GALNT13: variants seen among roughly 807,000 people sequenced by gnomAD.
GALNT13 encodes UDP-GalNAc:polypeptide N-acetylgalactosaminyltransferase 13.
GALNT13 carries 28 observed loss-of-function variants against 64.2 expected under a neutral mutation model. The ratio of observed to expected loss-of-function variants is 0.44; its 90% CI spans 0.32 to 0.60. The LOEUF (loss-of-function observed/expected upper bound fraction) is 0.60, where lower values mean the gene tolerates loss of function less well. GALNT13 is among the 20% of genes least tolerant of loss of function. The pLI, the probability that GALNT13 is intolerant of heterozygous loss-of-function variation, is 0.05. For synonymous variants in GALNT13, 214 were observed against 224.6 expected (o/e 0.95, Z 0.42); for missense variants, 577 against 669.8 (o/e 0.86, Z 1.53).
the GALNT13 span, among the ~76,000 whole-genome samples, chr2:153,410,702 A>G: frequency 6.6e-6 from 1 of 152,158 alleles, no homozygotes. Context: ...TGTAATAATA[A>G]TCTCAATTAA....
chr2:154,318,316 A>G (rs981081911), intron 9 of GALNT13, among the ~76,000 whole-genome samples: 6 of 152,250 alleles, frequency 3.9e-5, no homozygotes, highest in African/African-American at 1.4e-4. Flanking sequence ...AAAAAACTTA[A>G]TGAATATTAC....
At chr2:153,182,704 C>G in the GALNT13 span, among the ~76,000 whole-genome samples, 1 of 152,136 alleles carries the variant, frequency 6.6e-6, no homozygotes, top group Non-Finnish European at 1.5e-5. Context: ...TTAGTGAGAA[C>G]ATGAGGTGTT....
the GALNT13 span, among the ~76,000 whole-genome samples, chr2:153,369,658 C>G: frequency 6.6e-6 from 1 of 152,168 alleles, no homozygotes; most frequent in African/African-American, 2.4e-5. Flanking sequence ...TGAGACTCCA[C>G]TTCTGAAATT....
chr2:153,644,728 T>G, the GALNT13 span, among the ~76,000 whole-genome samples: 2 of 152,082 alleles, frequency 1.3e-5, no homozygotes, highest in African/African-American at 4.8e-5. Flanking sequence ...TCCTACTACG[T>G]TGGAATTCCA....
At chr2:153,077,252 C>T in the GALNT13 span, among the ~76,000 whole-genome samples, 6 of 151,910 alleles carry the variant, frequency 3.9e-5, no homozygotes, top group Admixed American at 1.3e-4. Context: ...ATGCCTGGCT[C>T]CATTGCCCTT....
chr2:153,270,359 T>C, the GALNT13 span, among the ~76,000 whole-genome samples: 28 of 152,324 alleles, frequency 1.8e-4, 1 homozygote, highest in Non-Finnish European at 3.7e-4. Context: ...CACTAGCTCA[T>C]TTAATTTAAG....
chr2:154,126,163 A>C (rs1417930333), intron 3 of GALNT13, among the ~76,000 whole-genome samples: 1 of 152,164 alleles, frequency 6.6e-6, no homozygotes, highest in Admixed American at 6.5e-5. Flanking sequence ...CTTTTTCCCA[A>C]GACCACATAA....
rs368559918 is a variant in GALNT13, at chr2:154,301,486, C to T, written c.1053C>T (p.Tyr351=). 1.2e-5 allele frequency: 19 copies of T among 1,613,704 alleles called. No homozygotes were observed. Among genetic ancestry groups the T allele is most frequent in the Non-Finnish European group, 1.4e-5 (17 of 1,179,776 alleles). ...ATGTTTTTCGGAAGGCAACTCCATA[C>T]ACTTTTCCTGGTGGCACTGGTCATG... The part of the protein sequence containing the change: ...VGHVFRKATP[Y]TFPGGTGHVI... Residue 351 remains tyrosine, a synonymous_variant, in exon 9 of 13, where the codon TAC becomes TAT. Transcript: ENST00000392825.
At chr2:153,153,663 CTTTTT>C in the GALNT13 span, among the ~76,000 whole-genome samples, 1 of 129,784 alleles carries the variant, frequency 7.7e-6, no homozygotes, top group Non-Finnish European at 1.6e-5. Flanking sequence ...TTCCCCATTG[CTTTTT>C]TTTTTTTTTT....
At chr2:153,708,013 G>A in the GALNT13 span, among the ~76,000 whole-genome samples, 7 of 152,032 alleles carry the variant, frequency 4.6e-5, no homozygotes, top group Non-Finnish European at 7.4e-5. Context: ...GGAACAATGA[G>A]GAGAATGGAT....
At chr2:153,723,943 G>GA in the GALNT13 span, among the ~76,000 whole-genome samples, 4 of 150,438 alleles carry the variant, frequency 2.7e-5, no homozygotes, top group East Asian at 8.0e-4. Flanking sequence ...TCACAGAATT[G>GA]AAAAAAACTA....
rs1030509193 is a variant in GALNT13 at position 153,884,466 on chromosome 2, A to G, written c.-177+12163A>G. 3.9e-5 allele frequency among the ~76,000 whole-genome samples: 6 copies of G among 151,948 alleles called. No individual in the cohort carries two copies. In the East Asian group the frequency reaches 1.2e-3, roughly 30 times the overall value. ...CTGGTTGGGGTTGAGGGGGTTTACT[A>G]TATAAAGAAATATAAATTCTTGGCA... On this transcript the variant is annotated intron_variant, in intron 1 of 12. Coordinates refer to ENST00000392825, the MANE Select transcript of GALNT13 (RefSeq NM_052917.4).
chr2:153,485,504 C>A, the GALNT13 span, among the ~76,000 whole-genome samples: 1 of 152,166 alleles, frequency 6.6e-6, no homozygotes, highest in African/African-American at 2.4e-5. Flanking sequence ...GATAGGTTTG[C>A]CGCCACCCAA....
chr2:153,185,796 A>G, the GALNT13 span, among the ~76,000 whole-genome samples: 2 of 152,258 alleles, frequency 1.3e-5, no homozygotes, highest in Non-Finnish European at 2.9e-5. Context: ...TTGAGTTTAC[A>G]ATGTGATTGT....
intron 7 of GALNT13, among the ~76,000 whole-genome samples, chr2:154,251,292 A>T (rs1013179094): frequency 2.0e-5 from 3 of 152,134 alleles, no homozygotes; most frequent in Non-Finnish European, 4.4e-5. Context: ...ATGAAAGATT[A>T]AAATTTGCAC....
the GALNT13 span, among the ~76,000 whole-genome samples, chr2:153,201,973 C>CTTTT: frequency 1.8e-4 from 20 of 108,894 alleles, no homozygotes; most frequent in South Asian, 9.0e-4. Flanking sequence ...CCACCCATTT[C>CTTTT]TTTTTTTTTT....
At chr2:153,573,194 A>G in the GALNT13 span, among the ~76,000 whole-genome samples, 1 of 151,882 alleles carries the variant, frequency 6.6e-6, no homozygotes, top group East Asian at 1.9e-4. Flanking sequence ...ATTATATAGT[A>G]CCTTTGTTTG....
chr2:153,518,523 T>C, the GALNT13 span, among the ~76,000 whole-genome samples: 19 of 152,308 alleles, frequency 1.2e-4, no homozygotes, highest in African/African-American at 4.3e-4. Context: ...TTGAATCATG[T>C]CTGTTACTGA....
At chr2:153,858,426 C>T in the GALNT13 span, among the ~76,000 whole-genome samples, 7 of 152,018 alleles carry the variant, frequency 4.6e-5, no homozygotes, top group South Asian at 2.1e-4. Flanking sequence ...ATTCAAGGAG[C>T]GCAGGGAGAG....
Sources: allele counts gnomAD v4.1 joint callset (sites outside exome capture counted in the v4.1 genomes callset), GRCh38; gene constraint gnomAD v4.1.1; transcripts MANE v1.5; gene names NCBI Gene and HGNC (gene_info 2026-07-23, HGNC 2026-07-21).